Variants in ARHGEF10 observed in about 807,000 individuals in gnomAD.
ARHGEF10 encodes the protein Rho guanine nucleotide exchange factor (GEF) 10.
In ARHGEF10, 140 loss-of-function variants were observed where a neutral mutation model predicts 147.4. The ratio of observed to expected loss-of-function variants is 0.95; its 90% CI spans 0.83 to 1.09. ARHGEF10 has a LOEUF of 1.09. Ranked by LOEUF, ARHGEF10 falls within the 50% of genes least tolerant of loss-of-function variation. The pLI is 0.00. For missense variants in ARHGEF10, 2,222 were observed against 1,752.7 expected (o/e 1.27, Z -4.78); for synonymous variants, 902 against 695.8 (o/e 1.30, Z -4.67).
chr8:1,844,273 A>G (rs957379534), intron 2 of ARHGEF10, among the ~76,000 whole-genome samples: 1 of 151,568 alleles, frequency 6.6e-6, no homozygotes. Context: ...CTGGGCCCTC[A>G]GAGATTGTAG....
chr8:1,863,205 G>A (rs1268795369), intron 4 of ARHGEF10, among the ~76,000 whole-genome samples: 4 of 152,152 alleles, frequency 2.6e-5, no homozygotes, highest in Non-Finnish European at 5.9e-5. Context: ...CAGGAAGGTG[G>A]CCCGGAACAC....
intron 2 of ARHGEF10, among the ~76,000 whole-genome samples, chr8:1,844,352 G>GAGACGGGAGA (rs1804342839): frequency 6.6e-6 from 1 of 152,164 alleles, no homozygotes. Context: ...GGGCCTGGTA[G>GAGACGGGAGA]ATGACAAAGA....
chr8:1,878,885 G>A (rs978078553), intron 8 of ARHGEF10, among the ~76,000 whole-genome samples: 4 of 151,930 alleles, frequency 2.6e-5, no homozygotes, highest in South Asian at 2.1e-4. Context: ...ATTACAACCC[G>A]GGAGCGCTGG....
intron 2 of ARHGEF10, among the ~76,000 whole-genome samples, chr8:1,845,109 A>G (rs370708462): frequency 1.3e-5 from 2 of 152,200 alleles, no homozygotes; most frequent in African/African-American, 4.8e-5. Context: ...ACTGAACTCC[A>G]GCCTGGGTGG....
chr8:1,854,019 A>G (rs2129065138), intron 2 of ARHGEF10, among the ~76,000 whole-genome samples: 2 of 152,300 alleles, frequency 1.3e-5, no homozygotes, highest in South Asian at 4.1e-4. Context: ...GATTTAGGGG[A>G]CACAATTGAA....
chr8:1,908,793 T>G (rs200152522), intron 17 of ARHGEF10, among the ~76,000 whole-genome samples: 1 of 58,508 alleles, frequency 1.7e-5, no homozygotes, highest in Non-Finnish European at 3.7e-5. Flanking sequence ...AGTCATAGGG[T>G]TTTTTTTCGG....
chr8:1,861,320 C>G lies in ARHGEF10; in HGVS notation c.481+1136C>G, dbSNP rs146009946. Among the ~76,000 whole-genome samples the G allele has an allele frequency of 8.6e-3, 1,311 of 152,372 alleles. 25 individuals are homozygous for G. Among genetic ancestry groups the G allele is most frequent in the African/African-American group, 0.03 (1,243 of 41,588 alleles). On this transcript the variant is annotated intron_variant, in intron 4 of 28. Coordinates refer to ENST00000349830, the MANE Select transcript of ARHGEF10 (RefSeq NM_014629.4). ...TGGAAGGACAGCGTGCAGTCCGTGG[C>G]TGCTTCGACTGCAGCCCAAGGGCTG...
chr8:1,933,428 C>T (rs1040395429), intron 25 of ARHGEF10, among the ~76,000 whole-genome samples: 1 of 152,016 alleles, frequency 6.6e-6, no homozygotes. Context: ...TGCATTATTT[C>T]ATTTTTAACT....
chr8:1,956,363 C>T (rs1055497582), intron 28 of ARHGEF10, among the ~76,000 whole-genome samples: 10 of 152,064 alleles, frequency 6.6e-5, no homozygotes, highest in Non-Finnish European at 1.2e-4. Flanking sequence ...ACATTTCAGG[C>T]GTTAATATTT....
Position 1,885,722 on chromosome 8 carries a change from G to A in ARHGEF10, c.1182+15G>A. ...CTCAGCAGCAGGTGAGATGAGCAGA[G>A]CTGACAGGGGCTGTTGACCAGCAGA... On this transcript the variant is annotated intron_variant, in intron 11 of 28. Coordinates refer to ENST00000349830, the MANE Select transcript of ARHGEF10 (RefSeq NM_014629.4). The A allele has an allele frequency of 6.4e-7, 1 of 1,558,536 alleles. No homozygotes were observed. The highest frequency in any genetic ancestry group is 8.9e-7 in the Non-Finnish European group (1 of 1,129,490).
chr8:1,898,456 T>C lies in ARHGEF10; in HGVS notation c.1581T>C (p.Asp527=). 1 of 1,614,006 alleles carries C rather than the reference T, an allele frequency of 6.2e-7. No homozygotes were observed. Residue 527 remains aspartate (D), a synonymous_variant, in exon 15 of 29, where the codon GAT becomes GAC. Transcript: ENST00000349830. ...AGCAGGAACAGGAGGCCAGCCCCGA[T>C]CGAACCACGCTCTACAGCCTGATGA... is the stretch of plus-strand genomic sequence containing the variant. The part of the protein sequence containing the change: ...FLKQEQEASP[D]RTTLYSLMMK...
chr8:1,897,847 C>T (rs774069347), intron 14 of ARHGEF10, among the ~76,000 whole-genome samples: 1 of 152,188 alleles, frequency 6.6e-6, no homozygotes, highest in Non-Finnish European at 1.5e-5. Flanking sequence ...ACTCTCTCAT[C>T]CCATTTCATT....
chr8:1,848,520 G>C (rs1804729198), intron 2 of ARHGEF10, among the ~76,000 whole-genome samples: 1 of 152,128 alleles, frequency 6.6e-6, no homozygotes, highest in Admixed American at 6.5e-5. Context: ...CGTGGTTTCT[G>C]TTTGTTGTTT....
chr8:1,923,573 C>T lies in ARHGEF10; in HGVS notation c.2365C>T (p.Gln789Ter). ...RAADCCRIQL[Q>*]LPGKQDKSGR... The stretch of plus-strand genomic sequence containing the variant: ...TGCGGACTGCTGCAGAATTCAGTTA[C>T]AGCTTCCCGGGAAGCAGGACAAGTT... The change falls in exon 20 of 29, where the codon CAG becomes TAG. Residue 789 changes from glutamine to a stop codon, truncating the protein, a stop_gained. Transcript: ENST00000349830. LOFTEE classifies it high-confidence loss of function. 1 of 1,614,102 alleles carries T rather than the reference C, an allele frequency of 6.2e-7. No individual in the cohort carries two copies. Among genetic ancestry groups the T allele is most frequent in the Non-Finnish European group, 8.5e-7 (1 of 1,180,048 alleles).
At chr8:1,826,428 TTGTG>T (rs750441335) in intron 1 of ARHGEF10, among the ~76,000 whole-genome samples, 23 of 149,948 alleles carry the variant, frequency 1.5e-4, no homozygotes, top group South Asian at 4.2e-4. Context: ...TGTGTGCGCT[TTGTG>T]TGTGTGTGTG....
chr8:1,930,273 T>G (rs1253400146), intron 25 of ARHGEF10, among the ~76,000 whole-genome samples: 1 of 152,058 alleles, frequency 6.6e-6, no homozygotes, highest in Admixed American at 6.5e-5. Flanking sequence ...GAGCGACGCC[T>G]TGGCGGGTCC....
chr8:1,910,712 T>A (rs1288807990), intron 18 of ARHGEF10, among the ~76,000 whole-genome samples: 1 of 152,226 alleles, frequency 6.6e-6, no homozygotes, highest in Non-Finnish European at 1.5e-5. Flanking sequence ...TTAAAGATTT[T>A]TAAAAATCCT....
intron 17 of ARHGEF10, among the ~76,000 whole-genome samples, chr8:1,906,028 G>C (rs1363070111): frequency 6.6e-6 from 1 of 152,016 alleles, no homozygotes; most frequent in African/African-American, 2.4e-5. Context: ...TTTTTCTTAT[G>C]GTTTAAATTC....
chr8:1,860,127 C>T lies in ARHGEF10; in HGVS notation c.424C>T (p.Leu142=), dbSNP rs1478551595. 2 of 1,613,968 alleles carry T rather than the reference C, an allele frequency of 1.2e-6. No homozygotes were observed. The highest frequency in any genetic ancestry group is 1.7e-5 in the Admixed American group (1 of 60,004). ...TGCGGTGCCCTCCAACCTGCCCCTC[C>T]TGCTGCCCGCCTACTCCAGCCCGGT... is the stretch of plus-strand genomic sequence containing the variant. ...GYAVPSNLPL[L]LPAYSSPVII... Residue 142 remains leucine, a synonymous_variant, in exon 4 of 29, where the codon CTG becomes TTG. Coordinates refer to ENST00000349830, the MANE Select transcript of ARHGEF10 (RefSeq NM_014629.4).
Sources: gnomAD v4.1 joint callset for allele counts (sites outside exome capture counted in the v4.1 genomes callset) on GRCh38, gnomAD v4.1.1 for gene constraint, MANE v1.5 for transcripts, NCBI Gene and HGNC (gene_info 2026-07-23, HGNC 2026-07-21) for gene names.